Variants in SLC30A3 observed in about 807,000 individuals in gnomAD.
The protein encoded by SLC30A3 is solute carrier family 30 member 3.
In SLC30A3, 20 loss-of-function variants were observed where a neutral mutation model predicts 35.6. The ratio of observed to expected loss-of-function variants is 0.56; its 90% CI spans 0.39 to 0.82. SLC30A3 has a LOEUF of 0.82. SLC30A3 is among the 40% of genes least tolerant of loss of function. SLC30A3 has a pLI of 0.00. For synonymous variants in SLC30A3, 217 were observed against 224.7 expected (o/e 0.97, Z 0.31); for missense variants, 401 against 530.6 (o/e 0.76, Z 2.40).
rs1046483678 is a variant in SLC30A3 at position 27,255,062 on chromosome 2, G to C, written c.*250C>G. On this transcript the variant is annotated 3_prime_UTR_variant, in exon 8 of 8. Coordinates refer to ENST00000233535, the MANE Select transcript of SLC30A3 (RefSeq NM_003459.5). The surrounding 1 kb of genome is among the most constrained non-coding windows in gnomAD (Gnocchi z 5.2). ...CCTTCAACACACCCTGCCACACTGAGGCCTGGGAGTCCCCGCCCCTGAACT... is the reference window on the plus strand; with the variant it reads ...CCTTCAACACACCCTGCCACACTGACGCCTGGGAGTCCCCGCCCCTGAACT... 1 of 1,443,694 alleles carries C rather than the reference G, an allele frequency of 6.9e-7. No homozygotes were observed. Among genetic ancestry groups the C allele is most frequent in the African/African-American group, 1.4e-5 (1 of 71,168 alleles). The allele number at this position is 1,443,694 out of a possible 1,614,324, so 89.4% of individuals were successfully genotyped here. A position where few individuals can be genotyped will look rare whatever the true frequency, so the allele number is the denominator to read the frequency against.
At chr2:27,275,393 C>G (rs759402866), upstream of SLC30A3, 203 of 403,130 alleles carry the variant, frequency 5.0e-4, no homozygotes, top group Non-Finnish European at 8.8e-4. Context: ...CCAATGTGGC[C>G]TCCCCACCCA....
upstream of SLC30A3, among the ~76,000 whole-genome samples, chr2:27,266,917 G>A (rs1039965133): frequency 1.3e-5 from 2 of 152,048 alleles, no homozygotes. Context: ...AATAATAAAT[G>A]TCATGTGTTT....
upstream of SLC30A3, among the ~76,000 whole-genome samples, chr2:27,267,052 T>A (rs547899992): frequency 2.0e-5 from 3 of 152,150 alleles, no homozygotes; most frequent in Non-Finnish European, 4.4e-5. Context: ...ACTGAGCCCC[T>A]GATTGTCACG....
upstream of SLC30A3, chr2:27,263,180 C>G (rs1677317868): frequency 8.7e-7 from 1 of 1,155,280 alleles, no homozygotes; most frequent in African/African-American, 1.6e-5. Flanking sequence ...ACTGCCAAAG[C>G]CCCATTTCCC....
chr2:27,263,380 C>A (rs1163377048), upstream of SLC30A3: 1 of 457,280 alleles, frequency 2.2e-6, no homozygotes, highest in South Asian at 1.6e-5. Flanking sequence ...TGCATGCCTG[C>A]GCGGGGGTGT....
At position 27,258,087 on chromosome 2, in the gene SLC30A3, A is replaced by T. The variant is rs1402655388; in HGVS notation, c.425-29T>A. On this transcript the variant is annotated intron_variant, in intron 3 of 7. Transcript: ENST00000233535. The surrounding 1 kb of genome is among the most constrained non-coding windows in gnomAD (Gnocchi z 4.0). ...CGGGTGGGGGGGGAGACAAGCTGTCAGAGACCTGCTTGGGACCCTGACGGG... is the reference window on the plus strand; with the variant it reads ...CGGGTGGGGGGGGAGACAAGCTGTCTGAGACCTGCTTGGGACCCTGACGGG... The T allele has an allele frequency of 6.2e-7, 1 of 1,612,860 alleles. No homozygotes were observed. Among genetic ancestry groups the T allele is most frequent in the Admixed American group, 1.7e-5 (1 of 59,986 alleles).
chr2:27,274,945 C>T (rs915801669), intron 1 of SLC30A3, among the ~76,000 whole-genome samples: 1 of 152,126 alleles, frequency 6.6e-6, no homozygotes, highest in African/African-American at 2.4e-5. Context: ...TTTAATGAGA[C>T]GTGCAAACTC....
At chr2:27,273,046 A>AT (rs1677792951) in intron 1 of SLC30A3, among the ~76,000 whole-genome samples, 2 of 145,948 alleles carry the variant, frequency 1.4e-5, no homozygotes, top group African/African-American at 5.3e-5. Flanking sequence ...TCAAAAAAAA[A>AT]AAAAAATATA....
At position 27,256,414 on chromosome 2, in the gene SLC30A3, G is replaced by A. The variant is rs199876300; in HGVS notation, c.990C>T (p.Tyr330=). The A allele has an allele frequency of 3.3e-4, 530 of 1,614,124 alleles. 12 individuals are homozygous for A. The South Asian group carries it at 4.6e-3, about 14-fold the overall frequency. The change falls in exon 7 of 8, where the codon TAC becomes TAT. Residue 330 remains tyrosine, a synonymous_variant. Coordinates refer to ENST00000233535, the MANE Select transcript of SLC30A3 (RefSeq NM_003459.5). The part of the protein sequence containing the change: ...ELHLWALTLT[Y]HVASAHLAID... ...TGGCCAGGTGTGCAGAGGCAACATGGTAAGTGAGCGTAAGGGCCCACAGGT... is the reference window on the plus strand; with the variant it reads ...TGGCCAGGTGTGCAGAGGCAACATGATAAGTGAGCGTAAGGGCCCACAGGT...
upstream of SLC30A3, among the ~76,000 whole-genome samples, chr2:27,266,143 T>C (rs1392453604): frequency 2.0e-5 from 3 of 149,930 alleles, no homozygotes; most frequent in Admixed American, 6.8e-5. Flanking sequence ...CACCACAGCC[T>C]CGACCTCCTG....
Position 27,258,447 on chromosome 2 carries a change from AACT to A in SLC30A3, c.278-143_278-141del. On this transcript the variant is annotated intron_variant, in intron 2 of 7. Coordinates refer to ENST00000233535, the MANE Select transcript of SLC30A3 (RefSeq NM_003459.5). The surrounding 1 kb of genome is among the most constrained non-coding windows in gnomAD (Gnocchi z 4.0). ...AGGTGATGGGACTACAGGTATAATT[AACT>A]ACTGTTATGTTATTTTTTTCATTCA... The A allele has an allele frequency of 1.4e-6, 1 of 725,976 alleles. No homozygotes were observed. Among genetic ancestry groups the A allele is most frequent in the Non-Finnish European group, 2.2e-6 (1 of 455,654 alleles). The allele number at this position is 725,976 out of a possible 1,614,324, so 45.0% of individuals were successfully genotyped here. A position where few individuals can be genotyped will look rare whatever the true frequency, so the allele number is the denominator to read the frequency against.
At chr2:27,264,541 C>G (rs889035240), upstream of SLC30A3, among the ~76,000 whole-genome samples, 1 of 152,178 alleles carries the variant, frequency 6.6e-6, no homozygotes, top group Non-Finnish European at 1.5e-5. This position sits in a 1 kb window ranked among gnomAD's most constrained non-coding sequence, Gnocchi z 6.1. Context: ...TGCGAAGGGA[C>G]TGTCCTGCGC....
At position 27,253,908 on chromosome 2, in the gene SLC30A3, C is replaced by T. The variant is rs1676709924; in HGVS notation, c.*1404G>A. ...TCTTGAACTCCTGGGCTCAAACAATCCTCCTGCCTCAGCCTCCAAAGGGCT... is the reference window on the plus strand; with the variant it reads ...TCTTGAACTCCTGGGCTCAAACAATTCTCCTGCCTCAGCCTCCAAAGGGCT... On this transcript the variant is annotated 3_prime_UTR_variant, in exon 8 of 8. Coordinates refer to ENST00000233535, the MANE Select transcript of SLC30A3 (RefSeq NM_003459.5). 1.3e-5 allele frequency: 2 copies of T among 152,234 alleles called. No individual in the cohort carries two copies. Among genetic ancestry groups the T allele is most frequent in the Admixed American group, 6.5e-5 (1 of 15,276 alleles). The allele number at this position is 152,234 out of a possible 1,614,324, so 9.4% of individuals were successfully genotyped here.
chr2:27,275,240 G>A (rs1319635110), exon 1 of SLC30A3: 1 of 1,303,400 alleles, frequency 7.7e-7, no homozygotes, highest in African/African-American at 1.5e-5. Flanking sequence ...CATCAAGATG[G>A]GTGGTGCCCT....
rs547682714 is a variant in SLC30A3 at position 27,259,180 on chromosome 2, C to T, written c.96-246G>A. The T allele has an allele frequency of 7.8e-5, 32 of 411,770 alleles. No individual in the cohort carries two copies. In the South Asian group the frequency reaches 1.3e-3, roughly 16 times the overall value. The allele number at this position is 411,770 out of a possible 1,614,324, so 25.5% of individuals were successfully genotyped here. ...TCACAGCTGGAAAGCACCTTACAGA[C>T]GGTCTAGTCTAACTTTTTTAAGAGA... On this transcript the variant is annotated intron_variant, in intron 1 of 7. Transcript: ENST00000233535.
chr2:27,255,008 C>T lies in SLC30A3; in HGVS notation c.*304G>A, dbSNP rs1676755261. 1.6e-6 allele frequency: 2 copies of T among 1,224,840 alleles called. No homozygotes were observed. Among genetic ancestry groups the T allele is most frequent in the Non-Finnish European group, 2.1e-6 (2 of 939,392 alleles). The allele number at this position is 1,224,840 out of a possible 1,614,324, so 75.9% of individuals were successfully genotyped here. On this transcript the variant is annotated 3_prime_UTR_variant, in exon 8 of 8. Coordinates refer to ENST00000233535, the MANE Select transcript of SLC30A3 (RefSeq NM_003459.5). This position sits in a 1 kb window ranked among gnomAD's most constrained non-coding sequence, Gnocchi z 5.2. ...CAGGGAAAGGATGTTCGTGGCTCCA[C>T]ATGAACCATGGGGAGATGGCACCAC...
Position 27,258,687 on chromosome 2 carries a change from T to A in SLC30A3, c.277+66A>T, listed in dbSNP as rs913277736. 12 of 1,549,540 alleles carry A rather than the reference T, an allele frequency of 7.7e-6. No homozygotes were observed. The highest frequency in any genetic ancestry group is 1.1e-5 in the Non-Finnish European group (12 of 1,124,948). ...CTGCACCCAGGAACATTCCTGGGACTCTGGGTGGAGAGTGGCTTGGGCAGG... is the reference window on the plus strand; with the variant it reads ...CTGCACCCAGGAACATTCCTGGGACACTGGGTGGAGAGTGGCTTGGGCAGG... On this transcript the variant is annotated intron_variant, in intron 2 of 7. Coordinates refer to ENST00000233535, the MANE Select transcript of SLC30A3 (RefSeq NM_003459.5). The surrounding 1 kb of genome is among the most constrained non-coding windows in gnomAD (Gnocchi z 4.0).
rs777966491 is a variant in SLC30A3, at chr2:27,257,886, G to C, written c.578+19C>G. The C allele has an allele frequency of 1.9e-6, 3 of 1,608,858 alleles. No individual in the cohort carries two copies. Among genetic ancestry groups the C allele is most frequent in the Admixed American group, 3.4e-5 (2 of 59,176 alleles). ...TCGCCCTGGGCCCCACAAGGTGCCT[G>C]CTCCATACTGGGACGTACAACAGGT... is the stretch of plus-strand genomic sequence containing the variant. On this transcript the variant is annotated intron_variant, in intron 4 of 7. Transcript: ENST00000233535. The surrounding 1 kb of genome is among the most constrained non-coding windows in gnomAD (Gnocchi z 4.7).
At chr2:27,260,344 A>G (rs1677119325) in intron 1 of SLC30A3, among the ~76,000 whole-genome samples, 1 of 152,186 alleles carries the variant, frequency 6.6e-6, no homozygotes, top group Non-Finnish European at 1.5e-5. Context: ...ATTGGACTTC[A>G]GTCCGACTAT....
Sources: gnomAD v4.1 joint callset for allele counts (sites outside exome capture counted in the v4.1 genomes callset) on GRCh38, gnomAD v4.1.1 for gene constraint, Gnocchi (gnomAD v3.1) non-coding constraint, MANE v1.5 for transcripts, NCBI Gene and HGNC (gene_info 2026-07-23, HGNC 2026-07-21) for gene names.